The following GABRB3 variants were observed in gnomAD, a reference collection of about 807,000 sequenced individuals.
GABRB3 encodes gamma-aminobutyric acid type A receptor subunit beta3.
A neutral mutation model predicts 52.1 loss-of-function variants in GABRB3; 14 were observed. The ratio of observed to expected loss-of-function variants is 0.27; its 90% CI spans 0.18 to 0.42. The LOEUF is 0.42. Ranked by LOEUF, GABRB3 falls within the 10% of genes least tolerant of loss-of-function variation. The pLI is 1.00. For synonymous variants in GABRB3, 260 were observed against 232.3 expected (o/e 1.12, Z -1.08); for missense variants, 307 against 609.1 (o/e 0.50, Z 5.22).
At chr15:26,678,336 C>T (rs1436056271) in intron 3 of GABRB3, among the ~76,000 whole-genome samples, 2 of 152,186 alleles carry the variant, frequency 1.3e-5, no homozygotes, top group Non-Finnish European at 2.9e-5. Flanking sequence ...CATTCTAGTG[C>T]CTCCTTCAGG....
intron 4 of GABRB3, among the ~76,000 whole-genome samples, chr15:26,591,886 C>T (rs1891219462): frequency 6.6e-6 from 1 of 152,234 alleles, no homozygotes; most frequent in South Asian, 2.1e-4. Flanking sequence ...CTCCGATGTT[C>T]TAGTCACATA....
chr15:26,750,439 G>A (rs1468715572), intron 3 of GABRB3, among the ~76,000 whole-genome samples: 1 of 152,070 alleles, frequency 6.6e-6, no homozygotes, highest in Non-Finnish European at 1.5e-5. Flanking sequence ...ATGATATAAT[G>A]GAAATGTCAA....
At chr15:26,629,107 C>T in intron 3 of GABRB3, 1 of 1,535,394 alleles carries the variant, frequency 6.5e-7, no homozygotes, top group South Asian at 1.2e-5. Flanking sequence ...TCCTCTCCAT[C>T]TCTGCTCTTT....
chr15:26,743,576 G>C (rs1384349687), intron 3 of GABRB3, among the ~76,000 whole-genome samples: 2 of 152,200 alleles, frequency 1.3e-5, no homozygotes, highest in African/African-American at 4.8e-5. Context: ...GGTTTCATTA[G>C]ATCAATGGAC....
At chr15:26,616,942 T>C (rs1892277273) in intron 4 of GABRB3, among the ~76,000 whole-genome samples, 1 of 150,110 alleles carries the variant, frequency 6.7e-6, no homozygotes, top group Non-Finnish European at 1.5e-5. Flanking sequence ...CAGACTGACA[T>C]ACTCTACTTC....
rs551083988 is a variant in GABRB3 at position 26,566,358 on chromosome 15, T to C, written c.835+1223A>G. Among the ~76,000 whole-genome samples, 16 of 152,304 alleles carry C rather than the reference T, an allele frequency of 1.1e-4. No individual in the cohort carries two copies. The South Asian group carries it at 3.3e-3, about 32-fold the overall frequency. The stretch of plus-strand genomic sequence containing the variant: ...ATGCAAGTCACATGTTTGTCATCCA[T>C]ATACACACATGTACTTACATTTTAT... On this transcript the variant is annotated intron_variant, in intron 7 of 8. Transcript: ENST00000311550.
At chr15:26,755,354 ATTTTC>A in intron 3 of GABRB3, among the ~76,000 whole-genome samples, 1 of 152,122 alleles carries the variant, frequency 6.6e-6, no homozygotes, top group South Asian at 2.1e-4. Flanking sequence ...TCTGAGAAAC[ATTTTC>A]TTTTCTTGTG....
chr15:26,726,799 T>C (rs1869229131), intron 3 of GABRB3, among the ~76,000 whole-genome samples: 1 of 152,170 alleles, frequency 6.6e-6, no homozygotes, highest in Non-Finnish European at 1.5e-5. Context: ...TGTTTTGCTT[T>C]TCCTTTCGCA....
intron 8 of GABRB3, chr15:26,557,473 A>G (rs943670701): frequency 6.6e-6 from 1 of 152,342 alleles, no homozygotes; most frequent in African/African-American, 2.4e-5. Flanking sequence ...TTGTGTATAC[A>G]GTACCACTTC....
At chr15:26,730,513 C>T (rs972682271) in intron 3 of GABRB3, among the ~76,000 whole-genome samples, 1 of 151,792 alleles carries the variant, frequency 6.6e-6, no homozygotes, top group Non-Finnish European at 1.5e-5. Context: ...AATGCGGTCA[C>T]GTCCCATTGT....
intron 3 of GABRB3, among the ~76,000 whole-genome samples, chr15:26,644,246 C>T (rs1893289615): frequency 6.6e-6 from 1 of 152,234 alleles, no homozygotes; most frequent in East Asian, 1.9e-4. Flanking sequence ...ACATGGAAAA[C>T]AGTCTTCTCT....
intron 6 of GABRB3, among the ~76,000 whole-genome samples, chr15:26,576,134 AAT>A (rs1398879485): frequency 6.6e-6 from 1 of 152,326 alleles, no homozygotes; most frequent in African/African-American, 2.4e-5. Context: ...TTTTTAGCTG[AAT>A]ATGTTTGTTG....
At chr15:26,765,718 A>G (rs1169344523) in intron 3 of GABRB3, among the ~76,000 whole-genome samples, 1 of 152,246 alleles carries the variant, frequency 6.6e-6, no homozygotes. Context: ...GAGAAGAAAG[A>G]CTAAGCAAAC....
intron 3 of GABRB3, among the ~76,000 whole-genome samples, chr15:26,664,945 C>T (rs928843682): frequency 2.4e-4 from 36 of 152,042 alleles, no homozygotes; most frequent in African/African-American, 8.4e-4. Context: ...GGTGATCCAC[C>T]CACCTTGGCC....
intron 8 of GABRB3, among the ~76,000 whole-genome samples, chr15:26,554,176 G>GTATATATATATAATA (rs1889645586): frequency 3.7e-5 from 1 of 27,334 alleles, no homozygotes; most frequent in Non-Finnish European, 7.4e-5. Flanking sequence ...TATATATAAA[G>GTATATATATATAATA]TATATATATA....
At chr15:26,565,803 T>C (rs1321217212) in intron 7 of GABRB3, among the ~76,000 whole-genome samples, 1 of 152,196 alleles carries the variant, frequency 6.6e-6, no homozygotes, top group Non-Finnish European at 1.5e-5. Flanking sequence ...TCACTAACTA[T>C]CGCAGTGACG....
intron 4 of GABRB3, among the ~76,000 whole-genome samples, chr15:26,594,161 GAATA>G (rs554812379): frequency 1.2e-3 from 176 of 151,004 alleles, no homozygotes; most frequent in African/African-American, 4.1e-3. Context: ...TTACCTCTTT[GAATA>G]AAGAGATTAT....
Position 26,621,664 on chromosome 15 carries a change from T to C in GABRB3, c.241-130A>G. On this transcript the variant is annotated intron_variant, in intron 3 of 8. Transcript: ENST00000311550. The surrounding 1 kb of genome is among the most constrained non-coding windows in gnomAD (Gnocchi z 4.1). ...AACCAGGAGAAACGGATGCCATTTTTATGCAGAATGGGAAGCAATGGCTGC... is the reference window on the plus strand; with the variant it reads ...AACCAGGAGAAACGGATGCCATTTTCATGCAGAATGGGAAGCAATGGCTGC... 2.9e-6 allele frequency: 2 copies of C among 696,154 alleles called. No individual in the cohort carries two copies. Among genetic ancestry groups the C allele is most frequent in the African/African-American group, 1.8e-5 (1 of 56,152 alleles). The allele number at this position is 696,154 out of a possible 1,614,324, so 43.1% of individuals were successfully genotyped here. A position where few individuals can be genotyped will look rare whatever the true frequency, so the allele number is the denominator to read the frequency against.
intron 3 of GABRB3, among the ~76,000 whole-genome samples, chr15:26,695,791 A>G (rs977310040): frequency 6.6e-6 from 1 of 152,240 alleles, no homozygotes; most frequent in African/African-American, 2.4e-5. Flanking sequence ...GGATAGGTGA[A>G]ATAAGCAAAA....
Sources: allele counts gnomAD v4.1 joint callset (sites outside exome capture counted in the v4.1 genomes callset), GRCh38; gene constraint gnomAD v4.1.1; non-coding constraint Gnocchi (gnomAD v3.1); transcripts MANE v1.5; gene names NCBI Gene and HGNC (gene_info 2026-07-23, HGNC 2026-07-21).